SACS: variants seen among roughly 807,000 people sequenced by gnomAD.
SACS encodes sacsin.
A neutral mutation model predicts 348.0 loss-of-function variants in SACS; 197 were observed. The observed-to-expected ratio is 0.57, with a 90% CI of 0.50 to 0.64. The LOEUF (loss-of-function observed/expected upper bound fraction) is 0.64, where lower values mean the gene tolerates loss of function less well. Ranked by LOEUF, SACS falls within the 30% of genes least tolerant of loss-of-function variation. The pLI, the probability that SACS is intolerant of heterozygous loss-of-function variation, is 0.00. For synonymous variants in SACS, 1,985 were observed against 1,910.6 expected (o/e 1.04, Z -1.02); for missense variants, 4,999 against 5,360.8 (o/e 0.93, Z 2.11).
rs967901202 is a variant in SACS at position 23,339,012 on chromosome 13, T to C, written c.4864A>G (p.Ile1622Val). 2 of 1,613,842 alleles carry C rather than the reference T, an allele frequency of 1.2e-6. No individual in the cohort carries two copies. Among genetic ancestry groups the C allele is most frequent in the South Asian group, 1.1e-5 (1 of 91,066 alleles). The change falls in exon 10 of 10, where the codon ATA (isoleucine) becomes GTA (valine). Residue 1622 changes from isoleucine to valine, a missense_variant. Transcript: ENST00000382292. ...GGTAACTGACAGCCAAATACATCTA[T>C]AAATGGTTTGAACTGATTAGGAAAT... is the stretch of plus-strand genomic sequence containing the variant. ...RKFPNQFKPF[I>V]DVFGCQLPLT...
chr13:23,389,635 T>C (rs2137892714), intron 2 of SACS, among the ~76,000 whole-genome samples: 1 of 152,332 alleles, frequency 6.6e-6, no homozygotes, highest in African/African-American at 2.4e-5. Context: ...CTAAGCTTTC[T>C]CTAATTTAAA....
At chr13:23,413,017 G>T (rs903890414) in intron 1 of SACS, among the ~76,000 whole-genome samples, 1 of 151,990 alleles carries the variant, frequency 6.6e-6, no homozygotes, top group African/African-American at 2.4e-5. Context: ...CGCTCTTTTT[G>T]CCTAGGCTGG....
chr13:23,388,442 CATATA>C (rs1872392032), intron 2 of SACS, among the ~76,000 whole-genome samples: 1 of 137,896 alleles, frequency 7.3e-6, no homozygotes, highest in African/African-American at 2.7e-5. Context: ...ATATATGGTA[CATATA>C]ATATAAAATA....
chr13:23,415,129 T>G (rs1276293686), intron 1 of SACS, among the ~76,000 whole-genome samples: 3 of 152,164 alleles, frequency 2.0e-5, no homozygotes, highest in Non-Finnish European at 4.4e-5. Flanking sequence ...CCTCCCAGGT[T>G]CAAGCAATTC....
At chr13:23,426,639 CAAAAAAAA>C (rs34125695) in intron 1 of SACS, among the ~76,000 whole-genome samples, 1 of 113,102 alleles carries the variant, frequency 8.8e-6, no homozygotes, top group Non-Finnish European at 1.9e-5. Context: ...GACTCCGTCT[CAAAAAAAA>C]AAAAAAAAAA....
intron 9 of SACS, among the ~76,000 whole-genome samples, chr13:23,347,359 T>C (rs17078624): frequency 0.017 from 2,619 of 152,212 alleles, 70 homozygotes; most frequent in African/African-American, 0.06. Context: ...CTTCTAAGAA[T>C]TGTTCCACGA....
chr13:23,389,180 ATG>A (rs1872428973), intron 2 of SACS, among the ~76,000 whole-genome samples: 2 of 150,088 alleles, frequency 1.3e-5, no homozygotes, highest in African/African-American at 4.8e-5. Flanking sequence ...GTATATATAT[ATG>A]TGTGTATGTG....
At chr13:23,414,461 C>T (rs1254292246) in intron 1 of SACS, among the ~76,000 whole-genome samples, 2 of 152,192 alleles carry the variant, frequency 1.3e-5, no homozygotes, top group Admixed American at 1.3e-4. Context: ...TCTGTAGGAA[C>T]ATCAGAAGGC....
intron 7 of SACS, among the ~76,000 whole-genome samples, chr13:23,356,449 G>T (rs900065003): frequency 1.3e-5 from 2 of 152,236 alleles, no homozygotes; most frequent in Non-Finnish European, 1.5e-5. Flanking sequence ...GTTGCTCAGT[G>T]AGTGCCTGCC....
rs1883398936 is a variant in SACS at position 23,330,570 on chromosome 13, G to A, written c.13306C>T (p.Pro4436Ser). 1 of 1,613,990 alleles carries A rather than the reference G, an allele frequency of 6.2e-7. No individual in the cohort carries two copies. Residue 4436 changes from proline (P) to serine (S), a missense_variant, in exon 10 of 10, where the codon CCC becomes TCC. This residue lies in a region of SACS where 254 missense variants were observed against 275.1 expected (regional missense o/e 0.92). Transcript: ENST00000382292. ...GGATTGCCAACCGACTTGAAAGTGGGAGGAACAAAGAACCTTTGAGAGTAA... is the reference window on the plus strand; with the variant it reads ...GGATTGCCAACCGACTTGAAAGTGGAAGGAACAAAGAACCTTTGAGAGTAA... ...QTYSQRFFVP[P>S]TFKSVGNPVE...
rs748609446 is a variant in SACS, at chr13:23,354,575, G to A, written c.2037C>T (p.Phe679=). Residue 679 remains phenylalanine, a synonymous_variant, in exon 8 of 10, where the codon TTC becomes TTT. Coordinates refer to ENST00000382292, the MANE Select transcript of SACS (RefSeq NM_014363.6). ...CATCTTGGTCTGATACAGATGAGGA[G>A]AAGGGGACAAAATTGCCATTTTGTA... The part of the protein sequence containing the change: ...LPLQNGNFVP[F]SSSVSDQDVI... 1.4e-5 allele frequency: 22 copies of A among 1,614,076 alleles called. 1 individual carries two copies. The South Asian group carries it at 2.3e-4, about 17-fold the overall frequency.
rs1593137679 is a variant in SACS, at chr13:23,345,644, G to C, written c.2186-3954C>G. On this transcript the variant is annotated intron_variant, in intron 9 of 9. Coordinates refer to ENST00000382292, the MANE Select transcript of SACS (RefSeq NM_014363.6). ...AAAACATGTAAGATACATTGACAAA[G>C]CTTTAAGAAAAATATAATAGTAAGA... Among the ~76,000 whole-genome samples, 7 of 152,184 alleles carry C rather than the reference G, an allele frequency of 4.6e-5. No individual in the cohort carries two copies. The South Asian group carries it at 1.5e-3, about 32-fold the overall frequency.
rs1356998534 is a variant in SACS, at chr13:23,363,301, C to CT, written c.457+1864_457+1865insA. 1.9e-3 allele frequency among the ~76,000 whole-genome samples: 288 copies of CT among 151,922 alleles called. 2 individuals carry two copies. The highest frequency in any genetic ancestry group is 0.015 in the Admixed American group (231 of 15,244). On this transcript the variant is annotated intron_variant, in intron 6 of 9. Transcript: ENST00000382292. ...GGACTGCAATAGTGGGGTCTTGGCT[C>CT]ACTGCAACCTCTGCCTCCCAGGTTC...
At chr13:23,347,051 G>T (rs1310392912) in intron 9 of SACS, among the ~76,000 whole-genome samples, 2 of 152,240 alleles carry the variant, frequency 1.3e-5, no homozygotes, top group African/African-American at 4.8e-5. Flanking sequence ...ATCGAAGTAC[G>T]TAAGAGTCAG....
chr13:23,347,830 G>A (rs1410510163), intron 9 of SACS, among the ~76,000 whole-genome samples: 1 of 152,136 alleles, frequency 6.6e-6, no homozygotes, highest in African/African-American at 2.4e-5. Context: ...GACAGAACAT[G>A]CTGTCCTCCA....
At chr13:23,389,575 A>T (rs17078690) in intron 2 of SACS, among the ~76,000 whole-genome samples, 41,789 of 152,042 alleles carry the variant, frequency 0.27, 6,093 homozygotes, top group East Asian at 0.52. Context: ...CCAAACTTCA[A>T]CCTCCGAATT....
At chr13:23,371,815 C>A (rs1207513364) in intron 3 of SACS, among the ~76,000 whole-genome samples, 2 of 152,072 alleles carry the variant, frequency 1.3e-5, no homozygotes, top group African/African-American at 4.8e-5. Context: ...GAATAATCAG[C>A]ACAAAGGGGT....
intron 2 of SACS, among the ~76,000 whole-genome samples, chr13:23,377,210 A>G (rs1295830802): frequency 2.6e-5 from 4 of 152,196 alleles, no homozygotes; most frequent in African/African-American, 9.7e-5. Flanking sequence ...TTAGTAGTGC[A>G]ATGTGCACAA....
rs546586002 is a variant in SACS, at chr13:23,371,141, C to A, written c.196G>T (p.Asp66Tyr). The change falls in exon 4 of 10, where the codon GAT becomes TAT. Residue 66 changes from aspartate (D) to tyrosine (Y), a missense_variant. By Grantham distance (160) the Asp-to-Tyr change is radical. Coordinates refer to ENST00000382292, the MANE Select transcript of SACS (RefSeq NM_014363.6). ...AGATGACAATTTTTGGAAGTCAGAT[C>A]TCCAATCTTGATCCAGTCAGATAAC... Reference protein sequence around the residue: ...RELSDWIKIGDLTSKNCHLFV... With the variant: ...RELSDWIKIGYLTSKNCHLFV... 2 of 1,611,342 alleles carry A rather than the reference C, an allele frequency of 1.2e-6. No individual in the cohort carries two copies. The highest frequency in any genetic ancestry group is 1.3e-5 in the African/African-American group (1 of 74,948).
Sources: allele counts gnomAD v4.1 joint callset (sites outside exome capture counted in the v4.1 genomes callset), GRCh38; gene constraint gnomAD v4.1.1; regional missense constraint gnomAD v4.1.1; transcripts MANE v1.5; gene names NCBI Gene and HGNC (gene_info 2026-07-23, HGNC 2026-07-21).